The following CA10 variants were observed in gnomAD, a reference collection of about 807,000 sequenced individuals.
CA10 encodes carbonic anhydrase 10 (inactive).
A neutral mutation model predicts 44.2 loss-of-function variants in CA10; 14 were observed. The ratio of observed to expected loss-of-function variants is 0.32; its 90% CI spans 0.21 to 0.50. The LOEUF (loss-of-function observed/expected upper bound fraction) is 0.50, where lower values mean the gene tolerates loss of function less well. Among genes scored for constraint, CA10 ranks in the 20% least tolerant of loss-of-function variants. The pLI is 0.99. For synonymous variants in CA10, 159 were observed against 141.6 expected (o/e 1.12, Z -0.87); for missense variants, 350 against 409.7 (o/e 0.85, Z 1.26).
At position 51,710,637 on chromosome 17, in the gene CA10, A is replaced by C. The variant is rs368259913; in HGVS notation, c.465+36996T>G. Among the ~76,000 whole-genome samples the C allele has an allele frequency of 6.6e-5, 10 of 152,208 alleles. No homozygotes were observed. In the East Asian group the frequency reaches 1.7e-3, roughly 26 times the overall value. On this transcript the variant is annotated intron_variant, in intron 4 of 8. Coordinates refer to ENST00000451037, the MANE Select transcript of CA10 (RefSeq NM_020178.5). ...AGAAAAGAAGAGTGATTAAAGGAGA[A>C]AATCATTTCCTCTGGGTGGTAAGGG...
At chr17:52,080,952 T>C (rs1185819576) in intron 1 of CA10, among the ~76,000 whole-genome samples, 1 of 152,174 alleles carries the variant, frequency 6.6e-6, no homozygotes, top group South Asian at 2.1e-4. Flanking sequence ...GTAAGTATTC[T>C]AAGCATTGAG....
chr17:52,100,009 T>G (rs1440174137), intron 1 of CA10, among the ~76,000 whole-genome samples: 1 of 152,066 alleles, frequency 6.6e-6, no homozygotes, highest in Non-Finnish European at 1.5e-5. Flanking sequence ...GTTAAGAATG[T>G]CAGAAAGGAC....
At chr17:52,118,811 C>A (rs2143308453) in intron 1 of CA10, among the ~76,000 whole-genome samples, 1 of 152,072 alleles carries the variant, frequency 6.6e-6, no homozygotes, top group South Asian at 2.1e-4. Context: ...ACTGTAACTA[C>A]CCTAGAATTT....
At chr17:51,831,931 T>G (rs1386596571) in intron 3 of CA10, among the ~76,000 whole-genome samples, 1 of 152,162 alleles carries the variant, frequency 6.6e-6, no homozygotes, top group Non-Finnish European at 1.5e-5. Flanking sequence ...GATAGGCAAC[T>G]GATGCCTACC....
At chr17:52,143,375 A>C (rs1989521325) in intron 1 of CA10, among the ~76,000 whole-genome samples, 1 of 152,218 alleles carries the variant, frequency 6.6e-6, no homozygotes. Context: ...GAAAGAAACA[A>C]ACCAGAATAT....
intron 3 of CA10, among the ~76,000 whole-genome samples, chr17:51,884,545 C>T (rs993056898): frequency 6.6e-6 from 1 of 152,202 alleles, no homozygotes. Context: ...TTGAGGCTTT[C>T]CATGACTATG....
At chr17:52,149,160 A>G (rs764341134) in intron 1 of CA10, among the ~76,000 whole-genome samples, 1 of 152,240 alleles carries the variant, frequency 6.6e-6, no homozygotes, top group East Asian at 1.9e-4. Flanking sequence ...CAACTCTGGC[A>G]TTGCTGCCAA....
At chr17:51,874,395 A>G (rs1404442576) in intron 3 of CA10, among the ~76,000 whole-genome samples, 3 of 151,738 alleles carry the variant, frequency 2.0e-5, no homozygotes, top group Non-Finnish European at 4.4e-5. Context: ...TATTAAAAAA[A>G]AAAAAAAAAA....
chr17:51,835,400 A>G (rs1164314682), intron 3 of CA10, among the ~76,000 whole-genome samples: 1 of 152,232 alleles, frequency 6.6e-6, no homozygotes, highest in Admixed American at 6.5e-5. Flanking sequence ...GTGGCACTTC[A>G]GCGGTGGAAC....
intron 2 of CA10, among the ~76,000 whole-genome samples, chr17:51,974,819 A>T (rs1461802282): frequency 1.3e-5 from 2 of 152,160 alleles, no homozygotes; most frequent in Non-Finnish European, 2.9e-5. Flanking sequence ...GCTGAAAAAA[A>T]CTCTTGTTCA....
At chr17:51,818,277 CTTTT>C (rs954972132) in intron 3 of CA10, among the ~76,000 whole-genome samples, 14 of 152,256 alleles carry the variant, frequency 9.2e-5, no homozygotes, top group African/African-American at 2.6e-4. Flanking sequence ...GTAAATCTTT[CTTTT>C]TTAAGTCTGC....
At chr17:51,871,754 A>C (rs1002287677) in intron 3 of CA10, among the ~76,000 whole-genome samples, 1 of 151,970 alleles carries the variant, frequency 6.6e-6, no homozygotes. Flanking sequence ...TTGCTATATA[A>C]GCAATGTCAG....
chr17:52,003,943 A>C (rs918590511), intron 2 of CA10, among the ~76,000 whole-genome samples: 19 of 151,704 alleles, frequency 1.3e-4, no homozygotes, highest in Admixed American at 6.6e-4. Flanking sequence ...CTAAAACAAA[A>C]AAAAAAAAAC....
At chr17:51,807,034 C>G (rs1907165345) in intron 3 of CA10, among the ~76,000 whole-genome samples, 1 of 152,112 alleles carries the variant, frequency 6.6e-6, no homozygotes, top group African/African-American at 2.4e-5. Flanking sequence ...ATGAGAAAAC[C>G]AAGGCAGATT....
At position 51,875,688 on chromosome 17, in the gene CA10, T is replaced by TG. The variant is rs112524069; in HGVS notation, c.279+55301dup. 4.7e-3 allele frequency among the ~76,000 whole-genome samples: 721 copies of TG among 151,864 alleles called. 2 individuals are homozygous for TG. The highest frequency in any genetic ancestry group is 0.012 in the African/African-American group (515 of 41,396). ...ATTTATATTACTAAAGTTTATTTTT[T>TG]GGGGGGGGTATATAGTTAAATGAGT... On this transcript the variant is annotated intron_variant, in intron 3 of 8. Coordinates refer to ENST00000451037, the MANE Select transcript of CA10 (RefSeq NM_020178.5).
At chr17:52,063,467 A>T (rs1987446786) in intron 2 of CA10, among the ~76,000 whole-genome samples, 1 of 152,150 alleles carries the variant, frequency 6.6e-6, no homozygotes, top group South Asian at 2.1e-4. Flanking sequence ...TTTGATTCGC[A>T]ATGTTGCAGG....
chr17:51,818,680 G>A (rs1212451126), intron 3 of CA10, among the ~76,000 whole-genome samples: 1 of 152,152 alleles, frequency 6.6e-6, no homozygotes, highest in Non-Finnish European at 1.5e-5. Context: ...TTTTCTTTCA[G>A]GGTAGATGTG....
intron 1 of CA10, among the ~76,000 whole-genome samples, chr17:52,107,573 C>T (rs1054142231): frequency 3.9e-5 from 6 of 151,990 alleles, no homozygotes; most frequent in Non-Finnish European, 8.8e-5. Flanking sequence ...AGAAAAAAAT[C>T]CAACACCAGA....
intron 4 of CA10, among the ~76,000 whole-genome samples, chr17:51,736,282 C>T (rs1001618691): frequency 1.3e-5 from 2 of 152,156 alleles, no homozygotes; most frequent in African/African-American, 4.8e-5. Context: ...TAGGTCATGG[C>T]CCTTAACCTG....
Sources: gnomAD v4.1 joint callset for allele counts (sites outside exome capture counted in the v4.1 genomes callset) on GRCh38, gnomAD v4.1.1 for gene constraint, MANE v1.5 for transcripts, NCBI Gene and HGNC (gene_info 2026-07-23, HGNC 2026-07-21) for gene names.